NRG4: variants seen among roughly 807,000 people sequenced by gnomAD.
NRG4 encodes neuregulin 4.
A neutral mutation model predicts 15.0 loss-of-function variants in NRG4; 10 were observed. The ratio of observed to expected loss-of-function variants is 0.67; its 90% CI spans 0.41 to 1.13. NRG4 has a LOEUF of 1.13. Among genes scored for constraint, NRG4 ranks in the 50% most tolerant of loss-of-function variants. The pLI is 0.00. For missense variants in NRG4, 139 were observed against 140.2 expected (o/e 0.99, Z 0.04); for synonymous variants, 41 against 50.1 (o/e 0.82, Z 0.77).
chr15:76,031,933 A>G (rs2035483548), intron 5 of NRG4, among the ~76,000 whole-genome samples: 1 of 152,230 alleles, frequency 6.6e-6, no homozygotes, highest in Admixed American at 6.5e-5. Context: ...AATGCTTTCA[A>G]TGGTGAAAGA....
At chr15:75,980,715 A>G (rs1300989045) in intron 3 of NRG4, among the ~76,000 whole-genome samples, 1 of 152,180 alleles carries the variant, frequency 6.6e-6, no homozygotes, top group African/African-American at 2.4e-5. Context: ...CAGTGATATC[A>G]AGACAAGGTC....
intron 3 of NRG4, among the ~76,000 whole-genome samples, chr15:75,974,907 C>T (rs2033295784): frequency 6.6e-6 from 1 of 152,052 alleles, no homozygotes; most frequent in African/African-American, 2.4e-5. Context: ...TCTGAATATC[C>T]TTGTTAATTT....
At chr15:76,013,533 T>C (rs146251296), upstream of NRG4, among the ~76,000 whole-genome samples, 9 of 152,092 alleles carry the variant, frequency 5.9e-5, no homozygotes, top group African/African-American at 2.2e-4. Flanking sequence ...TGTGTGATGT[T>C]CTCCTCCCTG....
At chr15:75,999,816 A>G (rs988901634) in intron 3 of NRG4, among the ~76,000 whole-genome samples, 2 of 152,206 alleles carry the variant, frequency 1.3e-5, no homozygotes, top group African/African-American at 2.4e-5. Context: ...TGGGAGGATC[A>G]TTTGAAACCA....
chr15:75,975,502 A>G (rs1292738268), intron 3 of NRG4, among the ~76,000 whole-genome samples: 3 of 152,148 alleles, frequency 2.0e-5, no homozygotes, highest in African/African-American at 7.2e-5. Context: ...TTTCCTTTCC[A>G]TGTTTAGTGC....
At chr15:75,987,492 G>T (rs75886617) in intron 3 of NRG4, among the ~76,000 whole-genome samples, 9,072 of 147,954 alleles carry the variant, frequency 0.061, 599 homozygotes, top group African/African-American at 0.18. Flanking sequence ...TGGGGGTCAT[G>T]AGGGTCATGA....
intron 3 of NRG4, among the ~76,000 whole-genome samples, chr15:75,972,983 T>C (rs982596682): frequency 6.6e-6 from 1 of 152,230 alleles, no homozygotes; most frequent in African/African-American, 2.4e-5. Flanking sequence ...TTTCAAGATA[T>C]TGATTCTTCC....
intron 2 of NRG4, among the ~76,000 whole-genome samples, chr15:76,054,788 T>C (rs2036114328): frequency 6.6e-6 from 1 of 152,204 alleles, no homozygotes; most frequent in Admixed American, 6.5e-5. Flanking sequence ...ATAAAGTAAG[T>C]ATTATAGTAC....
intron 3 of NRG4, among the ~76,000 whole-genome samples, chr15:76,004,594 C>T (rs1175909400): frequency 5.0e-5 from 7 of 141,044 alleles, no homozygotes; most frequent in South Asian, 4.5e-4. Flanking sequence ...AGCGAAACTC[C>T]GTCTCAAAAA....
intron 5 of NRG4, among the ~76,000 whole-genome samples, chr15:76,035,599 TATAGAAATAC>T (rs1271139929): frequency 6.6e-6 from 1 of 152,148 alleles, no homozygotes; most frequent in Non-Finnish European, 1.5e-5. Context: ...CAGGCAGTGT[TATAGAAATAC>T]ATTTTAGGTA....
chr15:76,047,540 C>T (rs1322620375), intron 4 of NRG4, among the ~76,000 whole-genome samples: 1 of 150,504 alleles, frequency 6.6e-6, no homozygotes, highest in Non-Finnish European at 1.5e-5. Flanking sequence ...CAAATATGTT[C>T]TCACTCATAT....
At chr15:76,045,643 G>C (rs115775373) in intron 4 of NRG4, among the ~76,000 whole-genome samples, 2,511 of 151,072 alleles carry the variant, frequency 0.017, 205 homozygotes, top group African/African-American at 0.056. Context: ...GGATGGAACT[G>C]GAGGTCACTG....
At chr15:75,988,539 T>A (rs74024043) in intron 3 of NRG4, among the ~76,000 whole-genome samples, 14,318 of 152,252 alleles carry the variant, frequency 0.094, 1,674 homozygotes, top group African/African-American at 0.28. Context: ...CACAAATTTC[T>A]CAGGTGACAA....
chr15:76,042,269 G>T (rs1260468408), intron 4 of NRG4, among the ~76,000 whole-genome samples: 1 of 151,574 alleles, frequency 6.6e-6, no homozygotes, highest in African/African-American at 2.4e-5. Flanking sequence ...GCATCTAAAA[G>T]AAATAGAAAA....
In NRG4 at chr15:75,941,604, C is replaced by G. The variant is rs537568509; in HGVS notation, c.*2034G>C. The G allele has an allele frequency of 6.6e-6, 1 of 152,212 alleles. No individual in the cohort carries two copies. The highest frequency in any genetic ancestry group is 6.5e-5 in the Admixed American group (1 of 15,296). 9.4% of individuals were successfully genotyped at this position (152,212 alleles called of 1,614,324 possible). ...ATTATTCAGCCATAAAAAGGAAATCCTTCTACATACTACATCATGGATGAA... is the reference window on the plus strand; with the variant it reads ...ATTATTCAGCCATAAAAAGGAAATCGTTCTACATACTACATCATGGATGAA... On this transcript the variant is annotated 3_prime_UTR_variant, in exon 6 of 6. Coordinates refer to ENST00000394907, the MANE Select transcript of NRG4 (RefSeq NM_138573.4).
rs2031071402 is a variant in NRG4, at chr15:75,942,295, A to C, written c.*1343T>G. 6.6e-6 allele frequency: 1 copy of C among 152,190 alleles called. No individual in the cohort carries two copies. Among genetic ancestry groups the C allele is most frequent in the Non-Finnish European group, 1.5e-5 (1 of 68,034 alleles). 9.4% of individuals were successfully genotyped at this position (152,190 alleles called of 1,614,324 possible). On this transcript the variant is annotated 3_prime_UTR_variant, in exon 6 of 6. Transcript: ENST00000394907. ...ACATACAACAAAAAGAGGACCCTTC[A>C]TGTAAATTACAGGCTTCAGCTAGCC...
intron 3 of NRG4, among the ~76,000 whole-genome samples, chr15:75,976,957 C>T (rs2033392645): frequency 6.6e-6 from 1 of 152,160 alleles, no homozygotes; most frequent in Admixed American, 6.5e-5. Flanking sequence ...GTGCTCTGTC[C>T]CAGGCAGATA....
chr15:76,028,180 A>G (rs2035366107), intron 5 of NRG4, among the ~76,000 whole-genome samples: 1 of 152,102 alleles, frequency 6.6e-6, no homozygotes, highest in African/African-American at 2.4e-5. Context: ...AGAAATAAAT[A>G]AAATTGAGAG....
At chr15:75,963,715 T>C (rs1409378668) in intron 3 of NRG4, among the ~76,000 whole-genome samples, 1 of 149,386 alleles carries the variant, frequency 6.7e-6, no homozygotes, top group African/African-American at 2.5e-5. Context: ...GAGGCGGAGG[T>C]TGCAGTGAGC....
Sources: gnomAD v4.1 joint callset for allele counts (sites outside exome capture counted in the v4.1 genomes callset) on GRCh38, gnomAD v4.1.1 for gene constraint, MANE v1.5 for transcripts, NCBI Gene and HGNC (gene_info 2026-07-23, HGNC 2026-07-21) for gene names.